The following LRP1 variants were observed in gnomAD, a reference collection of about 807,000 sequenced individuals.
The protein encoded by LRP1 is LDL receptor related protein 1.
A neutral mutation model predicts 541.5 loss-of-function variants in LRP1; 51 were observed. The observed-to-expected ratio is 0.09, with a 90% CI of 0.08 to 0.12. The LOEUF (loss-of-function observed/expected upper bound fraction) is 0.12, where lower values mean the gene tolerates loss of function less well. LRP1 is among the 10% of genes least tolerant of loss of function. The pLI is 1.00. For synonymous variants in LRP1, 2,219 were observed against 2,470.8 expected (o/e 0.90, Z 3.02); for missense variants, 3,878 against 6,376.2 (o/e 0.61, Z 13.34).
At chr12:57,209,245 T>C (rs762520314) in intron 79 of LRP1, 46 bp downstream of exon 79, 6 of 1,494,434 alleles carry the variant, frequency 4.0e-6, no homozygotes, top group Non-Finnish European at 5.6e-6. Context: ...GTCCCCAGCC[T>C]TGCCATCCTC....
intron 1 of LRP1, among the ~76,000 whole-genome samples, chr12:57,130,010 C>G (rs1275591126): frequency 6.6e-6 from 1 of 152,176 alleles, no homozygotes; most frequent in Non-Finnish European, 1.5e-5. Flanking sequence ...GCTAGAACTG[C>G]ATCCTTTTGG....
At chr12:57,137,837 T>C (rs920824922) in intron 1 of LRP1, among the ~76,000 whole-genome samples, 1 of 150,766 alleles carries the variant, frequency 6.6e-6, no homozygotes, top group Non-Finnish European at 1.5e-5. Context: ...AGCAAGGCTC[T>C]CTACCCTGCC....
rs1305329985 is a variant in LRP1, at chr12:57,181,257, C to T, written c.5628C>T (p.Gly1876=). ...CCCGCTCCTGCATGTGCACAGCCGG[C>T]TATAGCCTCCGGAGTGGCCAGCAGG... The part of the protein sequence containing the change: ...ETTRSCMCTA[G]YSLRSGQQAC... Residue 1876 remains glycine (G), a synonymous_variant, in exon 34 of 89, where the codon GGC becomes GGT. Transcript: ENST00000243077. The T allele has an allele frequency of 6.2e-7, 1 of 1,613,470 alleles. No individual in the cohort carries two copies. The highest frequency in any genetic ancestry group is 1.3e-5 in the African/African-American group (1 of 75,050).
intron 80 of LRP1, 41 bp from the exon 81 acceptor site, chr12:57,209,988 G>C: frequency 6.3e-7 from 1 of 1,583,716 alleles, no homozygotes; most frequent in Non-Finnish European, 8.6e-7. Flanking sequence ...CTCAGAGAAG[G>C]GTCCTGCTCA....
rs546950016 is a variant in LRP1 at position 57,159,509 on chromosome 12, C to T, written c.1799-316C>T. ...ACACTTGTGCCCAGAGCCACATGCC[C>T]GTTGTTTCAGCTCTCCATGCAGGCA... On this transcript the variant is annotated intron_variant, in intron 11 of 88. Transcript: ENST00000243077. Among the ~76,000 whole-genome samples the T allele has an allele frequency of 5.3e-5, 8 of 152,184 alleles. No individual in the cohort carries two copies. The South Asian group carries it at 8.3e-4, about 16-fold the overall frequency.
intron 15 of LRP1, among the ~76,000 whole-genome samples, chr12:57,164,015 A>G (rs761935120): frequency 4.6e-5 from 7 of 152,160 alleles, no homozygotes; most frequent in Non-Finnish European, 7.3e-5. Context: ...TACTAAAAAC[A>G]CAAAAATTAG....
chr12:57,167,549 C>T (rs754717016), intron 19 of LRP1, 25 bp downstream of exon 19: 4 of 1,593,876 alleles, frequency 2.5e-6, no homozygotes, highest in South Asian at 1.1e-5. Context: ...TCCTCACCTG[C>T]TGATTCCTAA....
chr12:57,210,138 G>A lies in LRP1; in HGVS notation c.12549G>A (p.Val4183=), dbSNP rs1377257797. ...NGKRLDNGTC[V]PVPSPTPPPD... Reference sequence around the variant, plus strand: ...AGCGGCTGGACAACGGCACATGCGTGCCTGTGCCCTCTCCAACGCCCCCCC... The same window carrying A: ...AGCGGCTGGACAACGGCACATGCGTACCTGTGCCCTCTCCAACGCCCCCCC... The change falls in exon 81 of 89, where the codon GTG becomes GTA. Residue 4183 remains valine, a synonymous_variant. Coordinates refer to ENST00000243077, the MANE Select transcript of LRP1 (RefSeq NM_002332.3). The A allele has an allele frequency of 1.2e-6, 2 of 1,610,070 alleles. No homozygotes were observed. The highest frequency in any genetic ancestry group is 1.7e-6 in the Non-Finnish European group (2 of 1,177,954).
chr12:57,145,348 G>A lies in LRP1; in HGVS notation c.699G>A (p.Met233Ile). The A allele has an allele frequency of 6.2e-7, 1 of 1,614,174 alleles. No individual in the cohort carries two copies. The highest frequency in any genetic ancestry group is 1.1e-5 in the South Asian group (1 of 91,082). ...TPTSTRQTTA[M>I]DFSYANETVC... ...CGAGCACGCGGCAGACCACAGCCAT[G>A]GACTTCAGCTATGCCAACGAGACCG... The change falls in exon 6 of 89, where the codon ATG becomes ATA. Residue 233 changes from methionine (M) to isoleucine (I), a missense_variant. This residue lies in a region of LRP1 where 293 missense variants were observed against 403.7 expected (regional missense o/e 0.73). Coordinates refer to ENST00000243077, the MANE Select transcript of LRP1 (RefSeq NM_002332.3).
chr12:57,141,671 G>A (rs1488984859), intron 3 of LRP1, among the ~76,000 whole-genome samples, 160 bp downstream of exon 3: 1 of 152,200 alleles, frequency 6.6e-6, no homozygotes, highest in African/African-American at 2.4e-5. Flanking sequence ...GTGCCCCTTG[G>A]GCCTGGAGCT....
chr12:57,136,677 C>T (rs1458628009), intron 1 of LRP1, among the ~76,000 whole-genome samples: 1 of 152,136 alleles, frequency 6.6e-6, no homozygotes, highest in Non-Finnish European at 1.5e-5. Context: ...GACTGTTCCT[C>T]CTGTGGAGGA....
At position 57,205,553 on chromosome 12, in the gene LRP1, C is replaced by G; in HGVS notation, c.11471-5C>G. ...GACTCTCATGACCCTCCCTGTAACC[C>G]TTAGACATCAACGAGTGCCTGCGCT... On this transcript the variant is annotated splice_region_variant and splice_polypyrimidine_tract_variant and intron_variant, in intron 74 of 88. Transcript: ENST00000243077. This position sits in a 1 kb window ranked among gnomAD's most constrained non-coding sequence, Gnocchi z 4.6. 1 of 1,614,042 alleles carries G rather than the reference C, an allele frequency of 6.2e-7. No individual in the cohort carries two copies.
At chr12:57,196,308 A>G in intron 55 of LRP1, 31 bp downstream of exon 55, 1 of 1,511,354 alleles carries the variant, frequency 6.6e-7, no homozygotes, top group Non-Finnish European at 8.9e-7. Flanking sequence ...GAGCTTCCAC[A>G]CCCCAGACGT....
At chr12:57,135,841 G>T (rs1158773677) in intron 1 of LRP1, among the ~76,000 whole-genome samples, 6 of 152,072 alleles carry the variant, frequency 3.9e-5, no homozygotes, top group Non-Finnish European at 1.5e-5. Flanking sequence ...GGGGGACAGC[G>T]GGGGGGACTC....
chr12:57,190,733 G>A (rs1402137110), intron 42 of LRP1, 72 bp from the exon 43 acceptor site: 25 of 1,437,232 alleles, frequency 1.7e-5, no homozygotes, highest in African/African-American at 7.0e-5. Context: ...AGGTGCCTAC[G>A]CGTCCTGGCC....
intron 12 of LRP1, among the ~76,000 whole-genome samples, chr12:57,160,544 G>T (rs2035708713): frequency 6.6e-6 from 1 of 152,002 alleles, no homozygotes; most frequent in Non-Finnish European, 1.5e-5. Context: ...CCCACCTGCA[G>T]CCCGGTCACT....
In LRP1 at chr12:57,162,754, CCT is replaced by C; in HGVS notation, c.2405-101_2405-100del. The stretch of plus-strand genomic sequence containing the variant: ...CATGATCTTCTTCCTCTCCATATTT[CCT>C]CTTTCTGTCCCCACATCTTAATGTG... On this transcript the variant is annotated intron_variant, in intron 14 of 88. Transcript: ENST00000243077. This position sits in a 1 kb window ranked among gnomAD's most constrained non-coding sequence, Gnocchi z 5.2. 7.6e-7 allele frequency: 1 copy of C among 1,312,214 alleles called. No individual in the cohort carries two copies. 81.3% of individuals were successfully genotyped at this position (1,312,214 alleles called of 1,614,324 possible). A position where few individuals can be genotyped will look rare whatever the true frequency, so the allele number is the denominator to read the frequency against.
Position 57,179,967 on chromosome 12 carries a change from G to T in LRP1, c.5141+11G>T. ...CCACCCTCTGCGTGGGTCAGTCTAG[G>T]GCCCAGGGCCGGGGAGCATGGGGTG... On this transcript the variant is annotated intron_variant, in intron 30 of 88. Coordinates refer to ENST00000243077, the MANE Select transcript of LRP1 (RefSeq NM_002332.3). This position sits in a 1 kb window ranked among gnomAD's most constrained non-coding sequence, Gnocchi z 6.8. The T allele has an allele frequency of 6.2e-7, 1 of 1,613,970 alleles. No individual in the cohort carries two copies. The highest frequency in any genetic ancestry group is 8.5e-7 in the Non-Finnish European group (1 of 1,179,932).
chr12:57,191,601 C>A, intron 44 of LRP1, 89 bp downstream of exon 44: 2 of 1,174,758 alleles, frequency 1.7e-6, no homozygotes, highest in Non-Finnish European at 2.4e-6. Context: ...TCGCACATAC[C>A]ACACGCACCC....
Sources: allele counts gnomAD v4.1 joint callset (sites outside exome capture counted in the v4.1 genomes callset), GRCh38; gene constraint gnomAD v4.1.1; regional missense constraint gnomAD v4.1.1; non-coding constraint Gnocchi (gnomAD v3.1); transcripts MANE v1.5; gene names NCBI Gene and HGNC (gene_info 2026-07-23, HGNC 2026-07-21).